Variants in NOCT observed in about 807,000 individuals in gnomAD.
NOCT encodes the protein CCR4 carbon catabolite repression 4-like.
Under a neutral mutation model 35.0 loss-of-function variants are expected in NOCT, and 18 were observed. The ratio of observed to expected loss-of-function variants is 0.51; its 90% confidence interval spans 0.36 to 0.76. The LOEUF is 0.76. Among genes scored for constraint, NOCT ranks in the 30% least tolerant of loss-of-function variants. The pLI, the probability that NOCT is intolerant of heterozygous loss-of-function variation, is 0.01. For missense variants in NOCT, 479 were observed against 541.0 expected (o/e 0.89, Z 1.14); for synonymous variants, 235 against 226.3 (o/e 1.04, Z -0.34).
intron 1 of NOCT, among the ~76,000 whole-genome samples, chr4:139,016,773 C>T (rs1213264587): frequency 4.0e-5 from 6 of 150,890 alleles, no homozygotes; most frequent in Non-Finnish European, 7.4e-5. Context: ...CCTGCCTCAG[C>T]CTCCCGAGTA....
intron 1 of NOCT, among the ~76,000 whole-genome samples, chr4:139,020,154 C>T (rs1180346953): frequency 6.6e-6 from 1 of 152,154 alleles, no homozygotes; most frequent in African/African-American, 2.4e-5. Context: ...AACTGGGGTT[C>T]TTTGGGGTTA....
At chr4:139,030,431 A>G (rs1726602117) in intron 1 of NOCT, among the ~76,000 whole-genome samples, 3 of 152,122 alleles carry the variant, frequency 2.0e-5, no homozygotes, top group African/African-American at 7.2e-5. Context: ...ACTGGGCTGG[A>G]TCCTGGGGGA....
chr4:139,025,836 T>G (rs1268879419), intron 1 of NOCT, among the ~76,000 whole-genome samples: 1 of 152,108 alleles, frequency 6.6e-6, no homozygotes, highest in African/African-American at 2.4e-5. Context: ...TATAGGCACT[T>G]TATTTCTTCA....
Position 139,045,322 on chromosome 4 carries a change from T to C in NOCT, c.1144T>C (p.Ser382Pro). ...GCACACCCTGGATTACATCTGGTAT[T>C]CTAAACATGCTCTAAATGTAAGGTC... ...CRHTLDYIWYSKHALNVRSAL... is the reference protein window; with the variant it reads ...CRHTLDYIWYPKHALNVRSAL... Residue 382 changes from serine to proline, a missense_variant, in exon 3 of 3, where the codon TCT (serine) becomes CCT (proline). Ser to Pro is a moderately conservative substitution (Grantham distance 74, BLOSUM62 -1). Coordinates refer to ENST00000280614, the MANE Select transcript of NOCT (RefSeq NM_012118.4). 6.2e-7 allele frequency: 1 copy of C among 1,614,004 alleles called. No individual in the cohort carries two copies. Among genetic ancestry groups the C allele is most frequent in the Non-Finnish European group, 8.5e-7 (1 of 1,179,994 alleles).
intron 1 of NOCT, chr4:139,027,994 CTG>C (rs1419594742): frequency 6.6e-6 from 1 of 152,190 alleles, no homozygotes; most frequent in Non-Finnish European, 1.5e-5. Context: ...AGAGAGGACT[CTG>C]TACAGTCAGC....
At chr4:139,043,512 G>T in intron 2 of NOCT, 169 bp downstream of exon 2, 10 of 557,072 alleles carry the variant, frequency 1.8e-5, no homozygotes, top group South Asian at 1.5e-4. Context: ...GGAATCATCT[G>T]GTTTTCACTT....
intron 1 of NOCT, among the ~76,000 whole-genome samples, chr4:139,033,689 A>T (rs537483239): frequency 6.6e-6 from 1 of 152,012 alleles, no homozygotes; most frequent in East Asian, 1.9e-4. Context: ...AAAAAAAAAA[A>T]AGGGGGAATG....
chr4:139,032,160 C>G (rs1464022072), intron 1 of NOCT, among the ~76,000 whole-genome samples: 1 of 152,164 alleles, frequency 6.6e-6, no homozygotes, highest in East Asian at 1.9e-4. Flanking sequence ...TATTCTTATA[C>G]AGTAAAATAG....
At chr4:139,021,610 C>G (rs1405789285) in intron 1 of NOCT, among the ~76,000 whole-genome samples, 1 of 152,030 alleles carries the variant, frequency 6.6e-6, no homozygotes, top group Admixed American at 6.6e-5. Context: ...CATGTAGTCA[C>G]TCTAAGTCAC....
At chr4:139,042,682 G>A (rs1481447107) in intron 1 of NOCT, among the ~76,000 whole-genome samples, 18 of 152,230 alleles carry the variant, frequency 1.2e-4, no homozygotes, top group African/African-American at 3.6e-4. Context: ...TTGGGAGGCC[G>A]AGGCGGGCAG....
chr4:139,033,671 C>T (rs879602651), intron 1 of NOCT, among the ~76,000 whole-genome samples: 21 of 150,546 alleles, frequency 1.4e-4, no homozygotes, highest in Non-Finnish European at 2.7e-4. Context: ...GAGTGAGACC[C>T]TGTCTCCAAA....
rs1726902838 is a variant in NOCT at position 139,044,829 on chromosome 4, C to T, written c.651C>T (p.Phe217=). Residue 217 remains phenylalanine (F), a synonymous_variant, in exon 3 of 3, where the codon TTC becomes TTT. Transcript: ENST00000280614. ...GACTAGGCTATCAAGGCACGTTTTTCCCCAAACCCTGGTCACCTTGTCTAG... is the reference window on the plus strand; with the variant it reads ...GACTAGGCTATCAAGGCACGTTTTTTCCCAAACCCTGGTCACCTTGTCTAG... The part of the protein sequence containing the change: ...LSRLGYQGTF[F]PKPWSPCLDV... 6.2e-7 allele frequency: 1 copy of T among 1,614,080 alleles called. No individual in the cohort carries two copies.
At chr4:139,024,013 C>A (rs1726469016) in intron 1 of NOCT, among the ~76,000 whole-genome samples, 1 of 149,660 alleles carries the variant, frequency 6.7e-6, no homozygotes, top group South Asian at 2.1e-4. Flanking sequence ...AGATTGTTGG[C>A]CATATGGATC....
Position 139,044,708 on chromosome 4 carries a change from G to A in NOCT, c.530G>A (p.Cys177Tyr). The change falls in exon 3 of 3, where the codon TGT becomes TAT. Residue 177 changes from cysteine (C) to tyrosine (Y), a missense_variant. Physicochemically the swap from Cys to Tyr is radical, Grantham distance 194. Coordinates refer to ENST00000280614, the MANE Select transcript of NOCT (RefSeq NM_012118.4). ...GCACTCAAATGGGAAGAAAGGAAAT[G>A]TCTCATCCTGGAAGAAATCCTGGCC... ...VEALKWEERK[C>Y]LILEEILAYQ... The A allele has an allele frequency of 6.2e-7, 1 of 1,614,168 alleles. No homozygotes were observed. Among genetic ancestry groups the A allele is most frequent in the African/African-American group, 1.3e-5 (1 of 75,038 alleles).
intron 1 of NOCT, among the ~76,000 whole-genome samples, chr4:139,019,784 G>A (rs972799187): frequency 6.6e-6 from 1 of 152,194 alleles, no homozygotes; most frequent in African/African-American, 2.4e-5. Context: ...CTAAGAAGTA[G>A]CAGTTGCCAC....
chr4:139,029,349 A>G (rs896303497), intron 1 of NOCT, among the ~76,000 whole-genome samples: 4 of 152,264 alleles, frequency 2.6e-5, no homozygotes, highest in East Asian at 1.9e-4. Context: ...TCAGGATCCT[A>G]TTAGTAAACA....
chr4:139,017,520 C>A lies in NOCT; in HGVS notation c.190+1349C>A, dbSNP rs1393022692. Among the ~76,000 whole-genome samples, 3 of 150,044 alleles carry A rather than the reference C, an allele frequency of 2.0e-5. 1 individual carries two copies. Among genetic ancestry groups the A allele is most frequent in the South Asian group, 4.2e-4 (2 of 4,796 alleles). ...TGGGATTACAGGCGTGAGCCACCGC[C>A]CCCCCGGCCTATAAAATTTAAAAAA... On this transcript the variant is annotated intron_variant, in intron 1 of 2. Transcript: ENST00000280614.
At chr4:139,035,335 A>G (rs980898611) in intron 1 of NOCT, among the ~76,000 whole-genome samples, 2 of 151,966 alleles carry the variant, frequency 1.3e-5, no homozygotes, top group South Asian at 4.2e-4. Flanking sequence ...AGGGGCTCCC[A>G]GTGTTGCCCA....
At chr4:139,029,440 G>A (rs535672616) in intron 1 of NOCT, among the ~76,000 whole-genome samples, 122 of 152,276 alleles carry the variant, frequency 8.0e-4, no homozygotes, top group South Asian at 5.8e-3. Context: ...ACCGCAGGCC[G>A]AACTTCCTGG....
Sources: allele counts gnomAD v4.1 joint callset (sites outside exome capture counted in the v4.1 genomes callset), GRCh38; gene constraint gnomAD v4.1.1; transcripts MANE v1.5; gene names NCBI Gene and HGNC (gene_info 2026-07-23, HGNC 2026-07-21).